Variants in CD86 observed in about 807,000 individuals in gnomAD.
CD86 encodes CD86 molecule, also known as T-lymphocyte activation antigen CD86.
A neutral mutation model predicts 32.1 loss-of-function variants in CD86; 11 were observed. The ratio of observed to expected loss-of-function variants is 0.34; its 90% CI spans 0.22 to 0.57. The LOEUF (loss-of-function observed/expected upper bound fraction) is 0.57, where lower values mean the gene tolerates loss of function less well. Among genes scored for constraint, CD86 ranks in the 20% least tolerant of loss-of-function variants. The pLI is 0.86. For synonymous variants in CD86, 137 were observed against 135.3 expected (o/e 1.01, Z -0.09); for missense variants, 359 against 398.4 (o/e 0.90, Z 0.84).
At chr3:122,073,207 G>A (rs898890677) in intron 1 of CD86, among the ~76,000 whole-genome samples, 5 of 149,304 alleles carry the variant, frequency 3.3e-5, no homozygotes, top group Admixed American at 3.3e-4. Context: ...TTGGATTTTA[G>A]CCATTCTACT....
chr3:122,076,680 T>G (rs1430452404), intron 1 of CD86, among the ~76,000 whole-genome samples: 1 of 152,200 alleles, frequency 6.6e-6, no homozygotes. Context: ...AAGGGAGATC[T>G]TTGTGCAAAG....
intron 1 of CD86, among the ~76,000 whole-genome samples, chr3:122,065,837 T>A (rs531490814): frequency 1.3e-5 from 2 of 151,942 alleles, no homozygotes; most frequent in South Asian, 4.1e-4. Flanking sequence ...TCTCTGGGTG[T>A]TGGAAGAAAC....
chr3:122,072,966 A>G (rs2107509008), intron 1 of CD86, among the ~76,000 whole-genome samples: 1 of 152,068 alleles, frequency 6.6e-6, no homozygotes, highest in South Asian at 2.1e-4. Context: ...CAGTTTTCCC[A>G]GCACCATTTA....
chr3:122,104,909 A>C (rs553443284), intron 3 of CD86, among the ~76,000 whole-genome samples: 1 of 152,222 alleles, frequency 6.6e-6, no homozygotes, highest in African/African-American at 2.4e-5. Flanking sequence ...TTGTGTGAAC[A>C]TAAGTTCTCA....
intron 5 of CD86, among the ~76,000 whole-genome samples, chr3:122,110,043 C>T (rs938627351): frequency 6.6e-6 from 1 of 152,038 alleles, no homozygotes. Context: ...ATGTTGTTTT[C>T]CATAATTAGG....
intron 1 of CD86, among the ~76,000 whole-genome samples, 157 bp downstream of exon 1, chr3:122,055,660 G>T (rs2072222652): frequency 6.6e-6 from 1 of 152,176 alleles, no homozygotes; most frequent in Non-Finnish European, 1.5e-5. Flanking sequence ...ATAAAGGCAA[G>T]AATTATTTGC....
At chr3:122,077,625 G>A (rs559654589) in intron 1 of CD86, 1 of 270,998 alleles carries the variant, frequency 3.7e-6, no homozygotes, top group South Asian at 1.4e-4. Context: ...GGGCTTCAAA[G>A]GCTGTGTGTA....
chr3:122,091,863 C>A (rs1038017747), intron 2 of CD86: 6 of 553,126 alleles, frequency 1.1e-5, no homozygotes, highest in Non-Finnish European at 2.0e-5. Context: ...GCTCTCCCCC[C>A]CGTGTGCTTC....
chr3:122,089,597 A>G (rs908589366), intron 1 of CD86, among the ~76,000 whole-genome samples: 4 of 152,268 alleles, frequency 2.6e-5, no homozygotes, highest in Non-Finnish European at 5.9e-5. Context: ...GTACATGAAA[A>G]TAAGCACTCT....
At chr3:122,096,437 C>T (rs990039658) in intron 2 of CD86, among the ~76,000 whole-genome samples, 11 of 151,866 alleles carry the variant, frequency 7.2e-5, no homozygotes, top group East Asian at 3.9e-4. Context: ...CCTAAATATA[C>T]TTATTTAAAT....
At chr3:122,112,203 G>A (rs1452023187) in intron 5 of CD86, among the ~76,000 whole-genome samples, 1 of 152,154 alleles carries the variant, frequency 6.6e-6, no homozygotes, top group Non-Finnish European at 1.5e-5. Context: ...TAGCAACAAC[G>A]GTTTTTACAG....
chr3:122,056,257 G>C (rs954978134), intron 1 of CD86, among the ~76,000 whole-genome samples: 6 of 152,134 alleles, frequency 3.9e-5, no homozygotes, highest in African/African-American at 1.2e-4. Context: ...TCCATGCTGT[G>C]GAGACTTCCT....
chr3:122,067,078 G>A (rs1207675334), intron 1 of CD86, among the ~76,000 whole-genome samples: 1 of 152,164 alleles, frequency 6.6e-6, no homozygotes, highest in East Asian at 1.9e-4. Flanking sequence ...GGGGGATGGT[G>A]GGGAAGATGG....
At chr3:122,115,547 CA>C (rs1292773187) in intron 5 of CD86, among the ~76,000 whole-genome samples, 4 of 151,654 alleles carry the variant, frequency 2.6e-5, no homozygotes, top group Admixed American at 6.6e-5. Context: ...CTACAATTGC[CA>C]AAACAATTCT....
chr3:122,071,229 T>C (rs1051766415), intron 1 of CD86, among the ~76,000 whole-genome samples: 2 of 152,194 alleles, frequency 1.3e-5, no homozygotes, highest in African/African-American at 4.8e-5. Context: ...ACCATTATAG[T>C]ATCATACAGA....
intron 2 of CD86, among the ~76,000 whole-genome samples, chr3:122,093,468 C>T (rs2072858319): frequency 6.6e-6 from 1 of 152,174 alleles, no homozygotes; most frequent in South Asian, 2.1e-4. Context: ...ATAGCATAGC[C>T]TGCTCCATAC....
At chr3:122,095,800 T>G (rs1291122068) in intron 2 of CD86, among the ~76,000 whole-genome samples, 1 of 152,112 alleles carries the variant, frequency 6.6e-6, no homozygotes, top group East Asian at 1.9e-4. Flanking sequence ...ATTAGTTGAT[T>G]GTTTCAGGAG....
intron 1 of CD86, among the ~76,000 whole-genome samples, chr3:122,067,475 G>A (rs564050154): frequency 2.4e-4 from 37 of 152,280 alleles, no homozygotes; most frequent in Middle Eastern, 3.4e-3. Context: ...TGGTCCCTTC[G>A]TCCTTACCAC....
In CD86 at chr3:122,099,996, G is replaced by A. The variant is rs181251928; in HGVS notation, c.65-3516G>A. On this transcript the variant is annotated intron_variant, in intron 2 of 6. Coordinates refer to ENST00000330540, the MANE Select transcript of CD86 (RefSeq NM_175862.5). ...CCTGGATGAATAGGAGGTTGTGGAC[G>A]GAGATTAGTATATTGAGATTAAGAT... is the stretch of plus-strand genomic sequence containing the variant. 1.1e-4 allele frequency among the ~76,000 whole-genome samples: 16 copies of A among 152,272 alleles called. No individual in the cohort carries two copies. In the East Asian group the frequency reaches 1.4e-3, roughly 13 times the overall value.
Sources: gnomAD v4.1 joint callset for allele counts (sites outside exome capture counted in the v4.1 genomes callset) on GRCh38, gnomAD v4.1.1 for gene constraint, MANE v1.5 for transcripts, NCBI Gene and HGNC (gene_info 2026-07-23, HGNC 2026-07-21) for gene names.